Variants in COG5 observed in about 807,000 individuals in gnomAD.
The protein encoded by COG5 is conserved oligomeric Golgi complex subunit 5.
COG5 carries 86 observed loss-of-function variants against 110.4 expected under a neutral mutation model. That is an observed-to-expected ratio of 0.78 (90% CI 0.65 to 0.93). The LOEUF (loss-of-function observed/expected upper bound fraction) is 0.93, where lower values mean the gene tolerates loss of function less well. Among genes scored for constraint, COG5 ranks in the 40% least tolerant of loss-of-function variants. The pLI is 0.00. For missense variants in COG5, 1,077 were observed against 987.0 expected (o/e 1.09, Z -1.22); for synonymous variants, 360 against 334.6 (o/e 1.08, Z -0.83).
chr7:107,428,885 T>C (rs1383219444), intron 6 of COG5, among the ~76,000 whole-genome samples: 2 of 152,196 alleles, frequency 1.3e-5, no homozygotes, highest in Non-Finnish European at 2.9e-5. Context: ...TCAAGAGCTC[T>C]TGAGCTACTA....
At chr7:107,277,393 G>C (rs138437617) in intron 14 of COG5, among the ~76,000 whole-genome samples, 1 of 152,084 alleles carries the variant, frequency 6.6e-6, no homozygotes. Context: ...CTTAGCACTA[G>C]AGATAGAAAC....
intron 11 of COG5, among the ~76,000 whole-genome samples, chr7:107,315,808 A>G (rs1197191845): frequency 6.6e-6 from 1 of 152,182 alleles, no homozygotes; most frequent in East Asian, 1.9e-4. Context: ...GGTACTTTAT[A>G]AACAACTTAC....
Position 107,307,672 on chromosome 7 carries a change from T to C in COG5, c.1109-9326A>G, listed in dbSNP as rs185662916. Among the ~76,000 whole-genome samples, 84 of 152,230 alleles carry C rather than the reference T, an allele frequency of 5.5e-4. 1 individual carries two copies. Among genetic ancestry groups the C allele is most frequent in the Middle Eastern group, 3.4e-3 (1 of 294 alleles). ...AGTAACTCAGGAATGGAAAATCAAATATTGTATGTTCTCACTTATAAGTGG... is the reference window on the plus strand; with the variant it reads ...AGTAACTCAGGAATGGAAAATCAAACATTGTATGTTCTCACTTATAAGTGG... On this transcript the variant is annotated intron_variant, in intron 11 of 21. Coordinates refer to ENST00000297135, the MANE Select transcript of COG5 (RefSeq NM_006348.5).
chr7:107,267,185 C>T (rs1050179626), intron 14 of COG5, among the ~76,000 whole-genome samples: 3 of 152,128 alleles, frequency 2.0e-5, no homozygotes, highest in Non-Finnish European at 4.4e-5. Flanking sequence ...ACCACCAATT[C>T]CTACCACACA....
intron 10 of COG5, among the ~76,000 whole-genome samples, chr7:107,336,996 T>C (rs78979612): frequency 6.6e-6 from 1 of 152,058 alleles, no homozygotes; most frequent in African/African-American, 2.4e-5. Flanking sequence ...AGGACTGGAA[T>C]AGACATTTCT....
chr7:107,407,134 C>A (rs895467978), intron 7 of COG5, among the ~76,000 whole-genome samples: 2 of 152,216 alleles, frequency 1.3e-5, no homozygotes, highest in Non-Finnish European at 2.9e-5. Flanking sequence ...GTAATCCCAG[C>A]ACTTTGGGAG....
intron 6 of COG5, among the ~76,000 whole-genome samples, chr7:107,443,890 C>A (rs1453140733): frequency 4.6e-5 from 7 of 152,170 alleles, no homozygotes; most frequent in Non-Finnish European, 7.4e-5. Context: ...TAAATGAGAT[C>A]TCTAGTAAGA....
rs372570557 is a variant in COG5 at position 107,430,089 on chromosome 7, T to C, written c.539-17457A>G. On this transcript the variant is annotated intron_variant, in intron 6 of 21. Coordinates refer to ENST00000297135, the MANE Select transcript of COG5 (RefSeq NM_006348.5). ...TCACTTTCTTGATAATGTCCTTTAA[T>C]GTGCAAAAGTTTTAAATTTTGATGA... 9.2e-5 allele frequency among the ~76,000 whole-genome samples: 14 copies of C among 152,362 alleles called. No individual in the cohort carries two copies. In the East Asian group the frequency reaches 2.5e-3, roughly 27 times the overall value.
chr7:107,469,937 G>A (rs1796533688), intron 6 of COG5: 1 of 151,998 alleles, frequency 6.6e-6, no homozygotes, highest in Non-Finnish European at 1.5e-5. Flanking sequence ...AAAACAGTGG[G>A]GAGCGGGGGA....
At chr7:107,548,435 T>A in intron 3 of COG5, 103 bp from the exon 4 acceptor site, 1 of 1,113,912 alleles carries the variant, frequency 9.0e-7, no homozygotes, top group Middle Eastern at 2.8e-4. Context: ...ATTTTAACTT[T>A]TTTTGTCACC....
chr7:107,334,534 G>A (rs1810544232), intron 10 of COG5, among the ~76,000 whole-genome samples: 1 of 151,972 alleles, frequency 6.6e-6, no homozygotes, highest in Non-Finnish European at 1.5e-5. Context: ...GATCCTAAAA[G>A]CAGCAAAAGA....
Position 107,527,267 on chromosome 7 carries a change from T to C in COG5, c.508A>G (p.Thr170Ala). 1 of 1,606,106 alleles carries C rather than the reference T, an allele frequency of 6.2e-7. No homozygotes were observed. The highest frequency in any genetic ancestry group is 8.5e-7 in the Non-Finnish European group (1 of 1,175,430). The stretch of plus-strand genomic sequence containing the variant: ...TCATTGAGACTCTGAGCAGCTTTTG[T>C]TATCTCTCTACTTCCCCCTTGCAGT... Reference protein sequence around the residue: ...GQLQGGSREITKAAQSLNELD... With the variant: ...GQLQGGSREIAKAAQSLNELD... The change falls in exon 6 of 22, where the codon ACA (threonine) becomes GCA (alanine). Residue 170 changes from threonine (T) to alanine (A), a missense_variant. Transcript: ENST00000297135.
At chr7:107,460,632 GAACAT>G (rs1795932727) in intron 6 of COG5, among the ~76,000 whole-genome samples, 1 of 151,620 alleles carries the variant, frequency 6.6e-6, no homozygotes, top group Non-Finnish European at 1.5e-5. Context: ...AACAGAAAAA[GAACAT>G]AACAACATTG....
chr7:107,220,390 A>G (rs561305511), intron 19 of COG5, among the ~76,000 whole-genome samples: 1 of 152,182 alleles, frequency 6.6e-6, no homozygotes, highest in South Asian at 2.1e-4. Flanking sequence ...TATAATCACA[A>G]TCTCTTTCGG....
chr7:107,467,505 G>A (rs930046902), intron 6 of COG5, among the ~76,000 whole-genome samples: 4 of 152,032 alleles, frequency 2.6e-5, no homozygotes, highest in Admixed American at 6.6e-5. Context: ...AGAGGCTTGT[G>A]CCACCATGCC....
intron 5 of COG5, among the ~76,000 whole-genome samples, chr7:107,543,078 T>G (rs558204066): frequency 1.3e-5 from 2 of 152,166 alleles, no homozygotes; most frequent in South Asian, 4.2e-4. Flanking sequence ...AAAATCAATG[T>G]GATATGTTTA....
Position 107,331,592 on chromosome 7 carries a change from A to T in COG5, c.1027-7071T>A, listed in dbSNP as rs542489048. Among the ~76,000 whole-genome samples, 3 of 152,270 alleles carry T rather than the reference A, an allele frequency of 2.0e-5. No individual in the cohort carries two copies. The South Asian group carries it at 6.2e-4, about 32-fold the overall frequency. On this transcript the variant is annotated intron_variant, in intron 10 of 21. Transcript: ENST00000297135. ...TACTGAAAAAATCTAGGCAAAAGGT[A>T]CCTTTCTATGGCCAGAGTAGTAGAG...
chr7:107,242,430 T>C (rs1801716807), intron 17 of COG5, among the ~76,000 whole-genome samples: 1 of 152,172 alleles, frequency 6.6e-6, no homozygotes, highest in African/African-American at 2.4e-5. Flanking sequence ...GGCCAGACTG[T>C]TACATGGGTA....
chr7:107,554,522 T>C (rs774832917), intron 2 of COG5, among the ~76,000 whole-genome samples, 180 bp from the exon 3 acceptor site: 2 of 152,188 alleles, frequency 1.3e-5, no homozygotes, highest in African/African-American at 2.4e-5. Context: ...CACATACATT[T>C]ACAGTTCAAC....
Sources: allele counts gnomAD v4.1 joint callset (sites outside exome capture counted in the v4.1 genomes callset), GRCh38; gene constraint gnomAD v4.1.1; transcripts MANE v1.5; gene names NCBI Gene and HGNC (gene_info 2026-07-23, HGNC 2026-07-21).